The following GALNT13 variants were observed in gnomAD, a reference collection of about 807,000 sequenced individuals.
GALNT13 encodes UDP-GalNAc:polypeptide N-acetylgalactosaminyltransferase 13.
In GALNT13, 28 loss-of-function variants were observed where a neutral mutation model predicts 64.2. That is an observed-to-expected ratio of 0.44 (90% CI 0.32 to 0.60). GALNT13 has a LOEUF of 0.60. Ranked by LOEUF, GALNT13 falls within the 20% of genes least tolerant of loss-of-function variation. GALNT13 has a pLI of 0.05. For missense variants in GALNT13, 577 were observed against 669.8 expected (o/e 0.86, Z 1.53); for synonymous variants, 214 against 224.6 (o/e 0.95, Z 0.42).
the GALNT13 span, among the ~76,000 whole-genome samples, chr2:153,471,474 C>G: frequency 1.3e-5 from 2 of 152,176 alleles, no homozygotes; most frequent in African/African-American, 4.8e-5. Flanking sequence ...CTTCCACATT[C>G]TCACAATGTT....
At chr2:154,107,812 A>G (rs1325131293) in intron 3 of GALNT13, among the ~76,000 whole-genome samples, 2 of 151,882 alleles carry the variant, frequency 1.3e-5, no homozygotes, top group Non-Finnish European at 2.9e-5. Flanking sequence ...CTCTGCCTCT[A>G]TGAGTTTTAT....
the GALNT13 span, among the ~76,000 whole-genome samples, chr2:153,195,832 A>T: frequency 6.6e-6 from 1 of 152,192 alleles, no homozygotes; most frequent in Non-Finnish European, 1.5e-5. Flanking sequence ...GAGGAGCTTT[A>T]TTGAGTGATA....
chr2:153,437,809 G>A, the GALNT13 span, among the ~76,000 whole-genome samples: 1,902 of 152,230 alleles, frequency 0.012, 42 homozygotes, highest in African/African-American at 0.043. Context: ...TTTAATTGGA[G>A]CATTTAGCCC....
At chr2:154,302,234 A>G (rs917296708) in intron 9 of GALNT13, among the ~76,000 whole-genome samples, 22 of 152,130 alleles carry the variant, frequency 1.4e-4, no homozygotes, top group Non-Finnish European at 2.9e-5. Context: ...GGGATTATTA[A>G]TGATTACATT....
intron 4 of GALNT13, among the ~76,000 whole-genome samples, chr2:154,156,883 C>T (rs1204654016): frequency 2.0e-5 from 3 of 152,054 alleles, no homozygotes; most frequent in Non-Finnish European, 2.9e-5. Context: ...TCCTCATGCA[C>T]AGAATAGAAT....
chr2:154,224,740 C>T (rs1688497585), intron 4 of GALNT13, among the ~76,000 whole-genome samples: 1 of 152,056 alleles, frequency 6.6e-6, no homozygotes, highest in African/African-American at 2.4e-5. Flanking sequence ...ACAAATCTCA[C>T]ATCAGAAGAA....
chr2:154,147,024 A>G (rs1433557447), intron 4 of GALNT13, among the ~76,000 whole-genome samples: 1 of 152,118 alleles, frequency 6.6e-6, no homozygotes. Context: ...TTGTTAGTTT[A>G]ATTCACAAGC....
chr2:153,407,360 A>G, the GALNT13 span, among the ~76,000 whole-genome samples: 1 of 152,184 alleles, frequency 6.6e-6, no homozygotes, highest in Non-Finnish European at 1.5e-5. Flanking sequence ...AAATGATCCT[A>G]CAATTTGAGG....
At chr2:153,106,832 T>C in the GALNT13 span, among the ~76,000 whole-genome samples, 1 of 152,192 alleles carries the variant, frequency 6.6e-6, no homozygotes, top group African/African-American at 2.4e-5. Context: ...TTATAAGCTC[T>C]GGGACTTGTT....
In GALNT13 at chr2:154,065,181, C is replaced by A. The variant is rs530145936; in HGVS notation, c.143-75156C>A. Among the ~76,000 whole-genome samples, 5 of 152,170 alleles carry A rather than the reference C, an allele frequency of 3.3e-5. No individual in the cohort carries two copies. The South Asian group carries it at 1.0e-3, about 32-fold the overall frequency. ...ACAGGGAAGAGTGGAAGGACTTTGT[C>A]TTGTGGTTTGGGTGCCAGCTCAGCT... On this transcript the variant is annotated intron_variant, in intron 3 of 12. Transcript: ENST00000392825.
chr2:154,337,037 TA>T (rs1267579674), intron 9 of GALNT13, among the ~76,000 whole-genome samples: 1 of 152,154 alleles, frequency 6.6e-6, no homozygotes, highest in Non-Finnish European at 1.5e-5. Context: ...TATTTCTCTA[TA>T]AAAAAATATA....
At chr2:153,422,788 TTAAAA>T in the GALNT13 span, among the ~76,000 whole-genome samples, 1 of 152,008 alleles carries the variant, frequency 6.6e-6, no homozygotes, top group Non-Finnish European at 1.5e-5. Context: ...AGTAATCCTA[TTAAAA>T]TAAATGAAAT....
the GALNT13 span, among the ~76,000 whole-genome samples, chr2:153,106,819 T>C: frequency 6.6e-6 from 1 of 152,314 alleles, no homozygotes; most frequent in South Asian, 2.1e-4. Flanking sequence ...GAAAACTCTT[T>C]TGTTATAAGC....
At chr2:153,085,093 A>G in the GALNT13 span, among the ~76,000 whole-genome samples, 1 of 152,178 alleles carries the variant, frequency 6.6e-6, no homozygotes, top group Non-Finnish European at 1.5e-5. Flanking sequence ...TTTCTATGCA[A>G]AGAGACTGGC....
intron 3 of GALNT13, 41 bp from the exon 4 acceptor site, chr2:154,140,296 G>T: frequency 6.8e-7 from 1 of 1,461,610 alleles, no homozygotes; most frequent in Non-Finnish European, 9.5e-7. Flanking sequence ...TTCATTATCT[G>T]TGTGTTTGTA....
intron 9 of GALNT13, among the ~76,000 whole-genome samples, chr2:154,359,930 G>A (rs1318948215): frequency 1.3e-5 from 2 of 152,064 alleles, no homozygotes; most frequent in East Asian, 3.9e-4. Flanking sequence ...ATCTGTTAAG[G>A]TAGACTTACT....
the GALNT13 span, among the ~76,000 whole-genome samples, chr2:153,831,469 T>G: frequency 1.3e-5 from 2 of 152,114 alleles, no homozygotes; most frequent in Non-Finnish European, 2.9e-5. Context: ...CTAGAATGCT[T>G]CTTCCCTTTG....
intron 2 of GALNT13, among the ~76,000 whole-genome samples, chr2:153,927,186 T>C (rs1405152009): frequency 6.6e-6 from 1 of 152,064 alleles, no homozygotes; most frequent in Non-Finnish European, 1.5e-5. Context: ...CAAAAATGTT[T>C]TTACCAATTT....
chr2:153,733,430 T>C, the GALNT13 span, among the ~76,000 whole-genome samples: 1 of 152,130 alleles, frequency 6.6e-6, no homozygotes, highest in Admixed American at 6.6e-5. Context: ...CTTCAATAAA[T>C]ATATGTAGAA....
Sources: allele counts gnomAD v4.1 joint callset (sites outside exome capture counted in the v4.1 genomes callset), GRCh38; gene constraint gnomAD v4.1.1; transcripts MANE v1.5; gene names NCBI Gene and HGNC (gene_info 2026-07-23, HGNC 2026-07-21).